Variants in CARMIL1 observed in about 807,000 individuals in gnomAD.
CARMIL1 encodes F-actin-uncapping protein LRRC16A.
In CARMIL1, 90 loss-of-function variants were observed where a neutral mutation model predicts 177.1. The observed-to-expected ratio is 0.51, with a 90% CI of 0.43 to 0.61. CARMIL1 has a LOEUF of 0.61. Among genes scored for constraint, CARMIL1 ranks in the 20% least tolerant of loss-of-function variants. The pLI is 0.00. For synonymous variants in CARMIL1, 577 were observed against 606.2 expected (o/e 0.95, Z 0.71); for missense variants, 1,380 against 1,667.0 (o/e 0.83, Z 3.00).
intron 24 of CARMIL1, among the ~76,000 whole-genome samples, chr6:25,529,636 A>C (rs1807519109): frequency 6.6e-6 from 1 of 151,854 alleles, no homozygotes; most frequent in Non-Finnish European, 1.5e-5. Context: ...TGATACATCC[A>C]TAAAATAAGA....
intron 35 of CARMIL1, 95 bp from the exon 36 acceptor site, chr6:25,609,955 T>A (rs1816364401): frequency 1.5e-6 from 2 of 1,365,572 alleles, no homozygotes; most frequent in East Asian, 2.5e-5. Flanking sequence ...TTTATTTTTT[T>A]AAATGACTTA....
chr6:25,290,009 C>T (rs1420172001), intron 2 of CARMIL1, among the ~76,000 whole-genome samples: 1 of 152,170 alleles, frequency 6.6e-6, no homozygotes, highest in Non-Finnish European at 1.5e-5. Flanking sequence ...AAACTGTTTC[C>T]CAGAGTGGCT....
chr6:25,445,608 C>T (rs552377071), intron 5 of CARMIL1, among the ~76,000 whole-genome samples: 9 of 149,370 alleles, frequency 6.0e-5, no homozygotes, highest in Non-Finnish European at 1.0e-4. Flanking sequence ...GATCTCGGCT[C>T]ACTGCAAGCT....
chr6:25,400,209 A>G lies in CARMIL1; in HGVS notation c.139-19905A>G, dbSNP rs114546547. ...TCTCTATCTTTACCTTAAAATCTCC[A>G]TGTAAATCATGCTAACCTAGCACGA... On this transcript the variant is annotated intron_variant, in intron 2 of 36. Transcript: ENST00000329474. Among the ~76,000 whole-genome samples, 962 of 152,246 alleles carry G rather than the reference A, an allele frequency of 6.3e-3. 8 individuals are homozygous for G. The highest frequency in any genetic ancestry group is 0.021 in the African/African-American group (871 of 41,532).
Position 25,450,822 on chromosome 6 carries a change from T to A in CARMIL1, c.614+111T>A, listed in dbSNP as rs1481219419. 25 of 15,894 alleles carry A rather than the reference T, an allele frequency of 1.6e-3. 1 individual carries two copies. The South Asian group carries it at 0.026, about 17-fold the overall frequency. The allele number at this position is 15,894 out of a possible 1,614,324, so 1.0% of individuals were successfully genotyped here. On this transcript the variant is annotated intron_variant, in intron 8 of 36. Coordinates refer to ENST00000329474, the MANE Select transcript of CARMIL1 (RefSeq NM_017640.6). ...CTTCCTCCCTCCCCTCCCCTCCCCT[T>A]CCCTCCCCTTCCCTCCCCTCCCCTT... is the stretch of plus-strand genomic sequence containing the variant.
At chr6:25,617,017 A>G (rs1759318948) in intron 36 of CARMIL1, among the ~76,000 whole-genome samples, 1 of 152,226 alleles carries the variant, frequency 6.6e-6, no homozygotes, top group Non-Finnish European at 1.5e-5. Context: ...GGTAGAGTTT[A>G]ATCAATGGAG....
rs755462052 is a variant in CARMIL1, at chr6:25,284,791, A to C, written c.41-21A>C. 20 of 1,362,482 alleles carry C rather than the reference A, an allele frequency of 1.5e-5. No homozygotes were observed. The African/African-American group carries it at 2.0e-4, about 14-fold the overall frequency. 84.4% of individuals were successfully genotyped at this position (1,362,482 alleles called of 1,614,324 possible). On this transcript the variant is annotated intron_variant, in intron 1 of 36. Transcript: ENST00000329474. ...CAGTGCTTTTTTTCTTATTAATAAC[A>C]TAATTCCTTTTTTTTTTCAGAAAGC... is the stretch of plus-strand genomic sequence containing the variant.
At chr6:25,505,903 T>G (rs1273976556) in intron 17 of CARMIL1, among the ~76,000 whole-genome samples, 1 of 152,174 alleles carries the variant, frequency 6.6e-6, no homozygotes, top group African/African-American at 2.4e-5. Context: ...CAAAGGGCAA[T>G]TAATTATAGC....
chr6:25,503,461 C>T (rs927687523), intron 17 of CARMIL1, among the ~76,000 whole-genome samples: 2 of 152,156 alleles, frequency 1.3e-5, no homozygotes, highest in Admixed American at 1.3e-4. Context: ...AAATCTCCCC[C>T]CAAAAGTGTT....
chr6:25,492,573 T>C (rs1032339679), intron 15 of CARMIL1, among the ~76,000 whole-genome samples: 2 of 152,180 alleles, frequency 1.3e-5, no homozygotes, highest in African/African-American at 2.4e-5. Context: ...AGAGGAATTA[T>C]GAAAAGTACA....
intron 5 of CARMIL1, among the ~76,000 whole-genome samples, chr6:25,438,703 C>T (rs897420352): frequency 2.6e-5 from 4 of 152,086 alleles, no homozygotes; most frequent in Non-Finnish European, 5.9e-5. Flanking sequence ...AGGAATGATT[C>T]AAGAGGGGGC....
At chr6:25,323,895 T>A (rs764079743) in intron 2 of CARMIL1, among the ~76,000 whole-genome samples, 83 of 152,310 alleles carry the variant, frequency 5.4e-4, no homozygotes, top group Non-Finnish European at 8.7e-4. Flanking sequence ...TTAAAGATAA[T>A]TTAGGATTTA....
At chr6:25,428,703 G>A (rs1796479451) in intron 4 of CARMIL1, among the ~76,000 whole-genome samples, 1 of 152,120 alleles carries the variant, frequency 6.6e-6, no homozygotes, top group South Asian at 2.1e-4. Context: ...GTTTTTCTGA[G>A]TGTATTTTGT....
At chr6:25,463,149 T>A (rs1562172863) in intron 8 of CARMIL1, among the ~76,000 whole-genome samples, 1 of 152,236 alleles carries the variant, frequency 6.6e-6, no homozygotes, top group Non-Finnish European at 1.5e-5. Context: ...TAGAACAATT[T>A]AAAAACATAA....
chr6:25,450,191 G>C (rs1798651713), intron 6 of CARMIL1, 148 bp from the exon 7 acceptor site: 1 of 722,874 alleles, frequency 1.4e-6, no homozygotes, highest in Admixed American at 2.3e-5. Context: ...ACTTACTATA[G>C]AACAGGGAGG....
At chr6:25,576,841 A>C in intron 29 of CARMIL1, 1 of 257,510 alleles carries the variant, frequency 3.9e-6, no homozygotes, top group Non-Finnish European at 6.1e-6. Context: ...CTTTGCTATG[A>C]AGGCTTTTTA....
chr6:25,288,216 A>G (rs1040776579), intron 2 of CARMIL1, among the ~76,000 whole-genome samples: 1 of 152,206 alleles, frequency 6.6e-6, no homozygotes, highest in Non-Finnish European at 1.5e-5. Flanking sequence ...GGAACAGAAT[A>G]CGTCTGGAAG....
intron 2 of CARMIL1, among the ~76,000 whole-genome samples, chr6:25,402,303 G>A (rs2328883): frequency 0.43 from 65,151 of 151,828 alleles, 14,171 homozygotes; most frequent in Middle Eastern, 0.57. Context: ...TTGAATACGC[G>A]TCAAGGAAGA....
At chr6:25,389,952 T>G (rs771201712) in intron 2 of CARMIL1, among the ~76,000 whole-genome samples, 18 of 152,312 alleles carry the variant, frequency 1.2e-4, no homozygotes, top group Non-Finnish European at 2.2e-4. Flanking sequence ...GAACTAATCA[T>G]CTGTTTAAGA....
Sources: gnomAD v4.1 joint callset for allele counts (sites outside exome capture counted in the v4.1 genomes callset) on GRCh38, gnomAD v4.1.1 for gene constraint, MANE v1.5 for transcripts, NCBI Gene and HGNC (gene_info 2026-07-23, HGNC 2026-07-21) for gene names.